Variants in CNBD1 observed in about 807,000 individuals in gnomAD.
CNBD1 encodes cyclic nucleotide binding domain containing 1, also known as cyclic nucleotide-binding domain-containing protein 1.
A neutral mutation model predicts 54.4 loss-of-function variants in CNBD1; 71 were observed. That is an observed-to-expected ratio of 1.30 (90% CI 1.08 to 1.59). CNBD1 has a LOEUF of 1.59. Among genes scored for constraint, CNBD1 ranks in the 40% most tolerant of loss-of-function variants. The pLI, the probability that CNBD1 is intolerant of heterozygous loss-of-function variation, is 0.00. For missense variants in CNBD1, 659 were observed against 518.0 expected (o/e 1.27, Z -2.64); for synonymous variants, 182 against 170.7 (o/e 1.07, Z -0.51).
intron 3 of CNBD1, among the ~76,000 whole-genome samples, chr8:86,921,788 A>G (rs1721296910): frequency 6.6e-6 from 1 of 152,188 alleles, no homozygotes; most frequent in Admixed American, 6.6e-5. Flanking sequence ...GTGGGGATTC[A>G]GCCAAACTAT....
chr8:86,944,661 T>G (rs1434578634), intron 4 of CNBD1, among the ~76,000 whole-genome samples: 1 of 152,086 alleles, frequency 6.6e-6, no homozygotes, highest in Non-Finnish European at 1.5e-5. Flanking sequence ...AGTGCATGAG[T>G]CAAATGGGAG....
chr8:87,382,646 T>C lies in CNBD1; in HGVS notation c.*19T>C, dbSNP rs769688218. ...GGCCTAGATCTAGAAACAACCTCAG[T>C]GAACATTAATTAAGAAAGTATTGAC... is the stretch of plus-strand genomic sequence containing the variant. On this transcript the variant is annotated 3_prime_UTR_variant, in exon 11 of 11. Transcript: ENST00000518476. 6 of 1,515,292 alleles carry C rather than the reference T, an allele frequency of 4.0e-6. No individual in the cohort carries two copies. The East Asian group carries it at 1.5e-4, about 37-fold the overall frequency. The allele number at this position is 1,515,292 out of a possible 1,614,324, so 93.9% of individuals were successfully genotyped here.
intron 4 of CNBD1, among the ~76,000 whole-genome samples, chr8:87,198,361 A>T (rs1462097260): frequency 2.6e-5 from 4 of 152,134 alleles, no homozygotes; most frequent in Non-Finnish European, 2.9e-5. Flanking sequence ...TTGTTATTTG[A>T]CCCTGGGAAG....
intron 4 of CNBD1, among the ~76,000 whole-genome samples, chr8:87,008,670 C>T (rs2130556822): frequency 6.6e-6 from 1 of 152,198 alleles, no homozygotes; most frequent in East Asian, 1.9e-4. Context: ...GCATGAAAGA[C>T]CCACAGGAAA....
In CNBD1 at chr8:86,997,130, C is replaced by G. The variant is rs1268333478; in HGVS notation, c.431+57376C>G. 3.9e-5 allele frequency among the ~76,000 whole-genome samples: 6 copies of G among 152,242 alleles called. No homozygotes were observed. In the East Asian group the frequency reaches 7.7e-4, roughly 20 times the overall value. On this transcript the variant is annotated intron_variant, in intron 4 of 10. Coordinates refer to ENST00000518476, the MANE Select transcript of CNBD1 (RefSeq NM_173538.3). ...AAAATTTACAGCTGAAATACTTGTT[C>G]TAGGACCCTAAGTTACTTGCTACCT...
intron 4 of CNBD1, among the ~76,000 whole-genome samples, chr8:87,154,408 G>T (rs976257410): frequency 1.3e-5 from 2 of 152,148 alleles, no homozygotes; most frequent in Non-Finnish European, 2.9e-5. Context: ...AACAGTTGAG[G>T]CAGTAGTACC....
chr8:87,360,279 A>C (rs1454290138), intron 10 of CNBD1, among the ~76,000 whole-genome samples: 1 of 151,972 alleles, frequency 6.6e-6, no homozygotes, highest in Admixed American at 6.6e-5. Context: ...TGTATGCAGC[A>C]ATTAGTTTTG....
intron 4 of CNBD1, among the ~76,000 whole-genome samples, chr8:86,941,859 A>T (rs754638196): frequency 2.0e-5 from 3 of 152,168 alleles, no homozygotes; most frequent in Non-Finnish European, 4.4e-5. Flanking sequence ...AGGACAATAG[A>T]TGTTGGGTCA....
At chr8:87,155,194 T>C (rs1237445965) in intron 4 of CNBD1, among the ~76,000 whole-genome samples, 1 of 152,192 alleles carries the variant, frequency 6.6e-6, no homozygotes, top group East Asian at 1.9e-4. Flanking sequence ...CCTCATTCAT[T>C]GTTTTATTTC....
intron 8 of CNBD1, among the ~76,000 whole-genome samples, chr8:87,328,146 C>T (rs1181766347): frequency 6.6e-6 from 1 of 151,942 alleles, no homozygotes; most frequent in Non-Finnish European, 1.5e-5. Context: ...TGCCCCCAAT[C>T]CCCCAACAGG....
intron 4 of CNBD1, among the ~76,000 whole-genome samples, chr8:87,023,073 T>A (rs1429384882): frequency 1.3e-5 from 2 of 152,212 alleles, no homozygotes; most frequent in Non-Finnish European, 2.9e-5. Flanking sequence ...AGCTCCTAAC[T>A]AGGGAGGTAG....
intron 4 of CNBD1, among the ~76,000 whole-genome samples, chr8:87,092,789 C>A (rs1325738449): frequency 6.6e-6 from 1 of 152,096 alleles, no homozygotes. Context: ...GTAACGCCAG[C>A]TGGTACCTCT....
intron 3 of CNBD1, among the ~76,000 whole-genome samples, chr8:86,929,593 T>C (rs964349876): frequency 1.3e-5 from 2 of 152,210 alleles, no homozygotes; most frequent in African/African-American, 4.8e-5. Flanking sequence ...TCATGCTCGA[T>C]TGGTTCCCCA....
intron 8 of CNBD1, among the ~76,000 whole-genome samples, chr8:87,322,184 T>A (rs1196872169): frequency 8.2e-6 from 1 of 122,522 alleles, no homozygotes; most frequent in African/African-American, 3.1e-5. Flanking sequence ...GTGCCACATT[T>A]TCTTAATCCA....
chr8:86,893,891 T>C (rs1808808456), intron 2 of CNBD1, among the ~76,000 whole-genome samples: 1 of 152,038 alleles, frequency 6.6e-6, no homozygotes, highest in South Asian at 2.1e-4. Context: ...TTTTTTAATC[T>C]ACTACTCCAC....
At chr8:87,079,702 G>A (rs1346832926) in intron 4 of CNBD1, among the ~76,000 whole-genome samples, 1 of 151,936 alleles carries the variant, frequency 6.6e-6, no homozygotes, top group Non-Finnish European at 1.5e-5. Context: ...TGAGTTAGAA[G>A]GACTTCTTAT....
intron 3 of CNBD1, among the ~76,000 whole-genome samples, chr8:86,908,756 C>T (rs1156410851): frequency 6.7e-6 from 1 of 149,876 alleles, no homozygotes. Flanking sequence ...ATGAAATTAA[C>T]AATGTTGTGA....
chr8:87,033,829 C>T (rs1013004413), intron 4 of CNBD1, among the ~76,000 whole-genome samples: 14 of 152,092 alleles, frequency 9.2e-5, no homozygotes, highest in Admixed American at 2.0e-4. Context: ...TTTTTTAAGC[C>T]AAACCTCTTT....
chr8:86,989,959 G>C (rs962646147), intron 4 of CNBD1, among the ~76,000 whole-genome samples: 1 of 152,084 alleles, frequency 6.6e-6, no homozygotes, highest in Non-Finnish European at 1.5e-5. Flanking sequence ...ATCATGTTGA[G>C]CATTTTTTCA....
Sources: gnomAD v4.1 joint callset for allele counts (sites outside exome capture counted in the v4.1 genomes callset) on GRCh38, gnomAD v4.1.1 for gene constraint, MANE v1.5 for transcripts, NCBI Gene and HGNC (gene_info 2026-07-23, HGNC 2026-07-21) for gene names.